The following FBXL17 variants were observed in gnomAD, a reference collection of about 807,000 sequenced individuals.
FBXL17 encodes F-box and leucine rich repeat protein 17, also known as F-box/LRR-repeat protein 17.
A neutral mutation model predicts 66.2 loss-of-function variants in FBXL17; 22 were observed. The observed-to-expected ratio is 0.33, with a 90% CI of 0.24 to 0.47. The LOEUF (loss-of-function observed/expected upper bound fraction) is 0.47, where lower values mean the gene tolerates loss of function less well. Ranked by LOEUF, FBXL17 falls within the 20% of genes least tolerant of loss-of-function variation. The pLI is 1.00. For missense variants in FBXL17, 878 were observed against 948.2 expected, an observed-to-expected ratio of 0.93 and a Z score of 0.97; for synonymous variants, 474 against 400.5, an observed-to-expected ratio of 1.18 and a Z score of -2.19.
chr5:108,291,471 A>G (rs1445372443), intron 4 of FBXL17, among the ~76,000 whole-genome samples: 4 of 152,042 alleles, frequency 2.6e-5, no homozygotes, highest in Admixed American at 6.5e-5. Flanking sequence ...CAGTTGCCTT[A>G]AGTGTGAAAT....
intron 4 of FBXL17, among the ~76,000 whole-genome samples, chr5:108,339,692 A>G (rs1418270566): frequency 4.6e-5 from 7 of 152,176 alleles, no homozygotes; most frequent in Non-Finnish European, 1.5e-5. Flanking sequence ...CAAAAGAAGC[A>G]TTCTAAAATT....
chr5:108,186,051 ATAATAAT>A (rs1488624458), intron 6 of FBXL17, 59 bp downstream of exon 6: 1 of 1,288,604 alleles, frequency 7.8e-7, no homozygotes, highest in Non-Finnish European at 1.1e-6. Context: ...ATGCCTTGTT[ATAATAAT>A]TAATATTTCC....
intron 7 of FBXL17, among the ~76,000 whole-genome samples, chr5:107,992,735 T>TAAAC (rs878955950): frequency 1.4e-4 from 21 of 152,306 alleles, no homozygotes; most frequent in African/African-American, 4.8e-4. Flanking sequence ...AATTAACCCA[T>TAAAC]AAACAAAAGC....
At chr5:108,045,293 T>C (rs1262920534) in intron 6 of FBXL17, among the ~76,000 whole-genome samples, 1 of 151,880 alleles carries the variant, frequency 6.6e-6, no homozygotes, top group Non-Finnish European at 1.5e-5. Flanking sequence ...ATACAAAAAA[T>C]TAGCTGGGCA....
At chr5:108,213,951 TG>T (rs1346993008) in intron 5 of FBXL17, among the ~76,000 whole-genome samples, 1 of 152,324 alleles carries the variant, frequency 6.6e-6, no homozygotes, top group East Asian at 1.9e-4. Flanking sequence ...TTTCCCAATC[TG>T]GGGCTTGTCT....
chr5:108,323,181 G>A (rs189909882), intron 4 of FBXL17, among the ~76,000 whole-genome samples: 52 of 151,766 alleles, frequency 3.4e-4, no homozygotes, highest in African/African-American at 1.3e-3. Flanking sequence ...GTTCACAGAT[G>A]ACATGATATT....
chr5:108,142,399 T>A (rs982769016), intron 6 of FBXL17, among the ~76,000 whole-genome samples: 1 of 152,240 alleles, frequency 6.6e-6, no homozygotes, highest in Non-Finnish European at 1.5e-5. Context: ...GAGCTAAATC[T>A]GTACAGACCC....
chr5:108,236,867 A>G (rs1004158187), intron 4 of FBXL17, among the ~76,000 whole-genome samples: 16 of 152,328 alleles, frequency 1.1e-4, no homozygotes, highest in Non-Finnish European at 1.8e-4. Context: ...TCCTTAGACT[A>G]GGCTCTGCCC....
intron 7 of FBXL17, among the ~76,000 whole-genome samples, chr5:107,964,207 A>G (rs1176954982): frequency 6.6e-6 from 1 of 152,138 alleles, no homozygotes; most frequent in Non-Finnish European, 1.5e-5. Context: ...ATCCAAATGG[A>G]TAATTTTGCC....
At chr5:108,088,139 A>G (rs993251985) in intron 6 of FBXL17, among the ~76,000 whole-genome samples, 1 of 152,172 alleles carries the variant, frequency 6.6e-6, no homozygotes, top group Non-Finnish European at 1.5e-5. Context: ...GCCATTATAA[A>G]CCTGGAGATC....
intron 4 of FBXL17, among the ~76,000 whole-genome samples, chr5:108,344,006 T>C (rs527286495): frequency 6.6e-6 from 1 of 152,266 alleles, no homozygotes; most frequent in African/African-American, 2.4e-5. Context: ...AGAACATGTA[T>C]GAAGTAGTAT....
intron 7 of FBXL17, among the ~76,000 whole-genome samples, chr5:107,980,664 A>ATATTTTTTTTTT: frequency 4.8e-5 from 3 of 62,076 alleles, no homozygotes; most frequent in Admixed American, 3.5e-4. Context: ...ATATATATAT[A>ATATTTTTTTTTT]TTTTTTTTTT....
At chr5:108,081,189 G>C (rs1405053629) in intron 6 of FBXL17, among the ~76,000 whole-genome samples, 1 of 151,888 alleles carries the variant, frequency 6.6e-6, no homozygotes, top group African/African-American at 2.4e-5. Flanking sequence ...TGTTAATGCT[G>C]GTCAGTTGTG....
At chr5:107,870,831 C>T (rs983836891) in intron 8 of FBXL17, among the ~76,000 whole-genome samples, 3 of 151,772 alleles carry the variant, frequency 2.0e-5, no homozygotes, top group Non-Finnish European at 2.9e-5. Context: ...GTGATCTACC[C>T]GCCTCAGCCT....
In FBXL17 at chr5:107,942,471, C is replaced by G. The variant is rs576036360; in HGVS notation, c.1823-61292G>C. On this transcript the variant is annotated intron_variant, in intron 7 of 8. Coordinates refer to ENST00000542267, the MANE Select transcript of FBXL17 (RefSeq NM_001163315.3). The stretch of plus-strand genomic sequence containing the variant: ...AAATAACTACTGATGACACACCTAT[C>G]TCTTCCTCACTATCTAATCACAAAT... Among the ~76,000 whole-genome samples, 17 of 152,332 alleles carry G rather than the reference C, an allele frequency of 1.1e-4. No individual in the cohort carries two copies. The East Asian group carries it at 3.3e-3, about 29-fold the overall frequency.
intron 8 of FBXL17, among the ~76,000 whole-genome samples, chr5:107,870,657 C>T (rs888703290): frequency 6.6e-6 from 1 of 151,552 alleles, no homozygotes; most frequent in Non-Finnish European, 1.5e-5. Flanking sequence ...TCCATCTCAG[C>T]TCACTGCAAC....
intron 6 of FBXL17, among the ~76,000 whole-genome samples, chr5:108,087,035 T>TA (rs149468598): frequency 0.014 from 2,201 of 152,188 alleles, 55 homozygotes; most frequent in African/African-American, 0.05. Context: ...GAATAGGACA[T>TA]ACGCTTTCCA....
intron 7 of FBXL17, among the ~76,000 whole-genome samples, chr5:108,007,396 T>C (rs1753970100): frequency 6.6e-6 from 1 of 152,152 alleles, no homozygotes; most frequent in Non-Finnish European, 1.5e-5. Context: ...ACACAAATCA[T>C]ATATTACAAT....
intron 4 of FBXL17, among the ~76,000 whole-genome samples, chr5:108,317,016 A>G (rs1314308185): frequency 1.3e-5 from 2 of 151,346 alleles, no homozygotes; most frequent in African/African-American, 2.4e-5. Flanking sequence ...ATAATTTCAA[A>G]GTCTATTCAT....
Sources: gnomAD v4.1 joint callset for allele counts (sites outside exome capture counted in the v4.1 genomes callset) on GRCh38, gnomAD v4.1.1 for gene constraint, MANE v1.5 for transcripts, NCBI Gene and HGNC (gene_info 2026-07-23, HGNC 2026-07-21) for gene names.